Variants in P2RY10 observed in about 807,000 individuals in gnomAD.
P2RY10 encodes the protein P2Y receptor family member 10, also known as putative P2Y purinoceptor 10.
In P2RY10, 4 loss-of-function variants were observed where a neutral mutation model predicts 12.1. The observed-to-expected ratio is 0.33, with a 90% confidence interval of 0.16 to 0.76. The LOEUF (loss-of-function observed/expected upper bound fraction) is 0.76, where lower values mean the gene tolerates loss of function less well. P2RY10 is among the 30% of genes least tolerant of loss of function. P2RY10 has a pLI of 0.61. For synonymous variants in P2RY10, 112 were observed against 94.1 expected (o/e 1.19, Z -1.10); for missense variants, 233 against 264.6 (o/e 0.88, Z 0.83).
intron 2 of P2RY10, among the ~76,000 whole-genome samples, chrX:78,950,425 C>G (rs1922054706): frequency 9.0e-6 from 1 of 111,087 alleles, no homozygotes. Flanking sequence ...TATAAAATTA[C>G]TGAAATCCAA....
rs776349442 is a variant in P2RY10, at chrX:78,961,472, C to T, written c.952C>T (p.Arg318Cys). 8 of 1,208,571 alleles carry T rather than the reference C, an allele frequency of 6.6e-6. No individual in the cohort carries two copies. Among genetic ancestry groups the T allele is most frequent in the Non-Finnish European group, 8.9e-6 (8 of 894,405 alleles). The change falls in exon 4 of 4, where the codon CGC becomes TGC. Residue 318 changes from arginine (R) to cysteine (C), a missense_variant. Physicochemically the swap from Arg to Cys is radical, Grantham distance 180 (BLOSUM62 -3). Transcript: ENST00000171757. ...MASEFRDQLS[R>C]HGSSVTRSRL... ...TTCAGAGTTTCGTGACCAACTATCC[C>T]GCCATGGCAGTTCTGTGACCCGCTC...
intron 2 of P2RY10, among the ~76,000 whole-genome samples, chrX:78,948,305 T>A (rs996004881): frequency 8.9e-5 from 10 of 111,990 alleles, no homozygotes; most frequent in Non-Finnish European, 1.9e-4. Context: ...ACAACTACAC[T>A]TCTTAGGGGA....
chrX:78,947,827 T>A lies in P2RY10; in HGVS notation c.-193T>A, dbSNP rs1480132593. 10 of 709,904 alleles carry A rather than the reference T, an allele frequency of 1.4e-5. No individual in the cohort carries two copies. Among genetic ancestry groups the A allele is most frequent in the Non-Finnish European group, 1.7e-5 (10 of 598,578 alleles). 58.5% of individuals were successfully genotyped at this position (709,904 alleles called of 1,213,427 possible). ...ATATTTCTTTCAGGTAATGTTATCA[T>A]GACAGCTTCAACTTTTAGACCACAG... On this transcript the variant is annotated 5_prime_UTR_variant, in exon 2 of 4. An upstream start codon of the reference 5' UTR is lost. Transcript: ENST00000171757.
intron 3 of P2RY10, among the ~76,000 whole-genome samples, chrX:78,954,160 A>C (rs1922231978): frequency 8.9e-6 from 1 of 111,925 alleles, no homozygotes; most frequent in Admixed American, 9.4e-5. Flanking sequence ...GGTGTGAGCC[A>C]CCACACCTGG....
intron 2 of P2RY10, among the ~76,000 whole-genome samples, chrX:78,949,248 A>G (rs184103975): frequency 9.0e-6 from 1 of 110,962 alleles, no homozygotes; most frequent in East Asian, 2.8e-4. Flanking sequence ...TTCTCTTTCT[A>G]TTGCTGACTT....
intron 2 of P2RY10, among the ~76,000 whole-genome samples, chrX:78,949,791 T>A (rs988431059): frequency 9.8e-5 from 11 of 111,887 alleles, no homozygotes; most frequent in Non-Finnish European, 1.3e-4. Context: ...TTATTTGGAG[T>A]TGATGTAGAT....
At position 78,959,847 on chromosome X, in the gene P2RY10, T is replaced by A. The variant is rs1480007753; in HGVS notation, c.-13-661T>A. Among the ~76,000 whole-genome samples, 6 of 112,071 alleles carry A rather than the reference T, an allele frequency of 5.4e-5. No individual in the cohort carries two copies. The East Asian group carries it at 1.7e-3, about 31-fold the overall frequency. On this transcript the variant is annotated intron_variant, in intron 3 of 3. Coordinates refer to ENST00000171757, the MANE Select transcript of P2RY10 (RefSeq NM_014499.4). Reference sequence around the variant, plus strand: ...TATTTTAGCTTCTAAATTCATGTATTATTAAAGCTTTTTATGTAAATTTGG... The same window carrying A: ...TATTTTAGCTTCTAAATTCATGTATAATTAAAGCTTTTTATGTAAATTTGG...
chrX:78,959,385 G>A (rs752851947), intron 3 of P2RY10, among the ~76,000 whole-genome samples: 1 of 111,140 alleles, frequency 9.0e-6, no homozygotes, highest in Non-Finnish European at 1.9e-5. Context: ...AATTCTACAA[G>A]ATAGTTAAAG....
chrX:78,946,140 C>T (rs976430184), intron 1 of P2RY10, among the ~76,000 whole-genome samples: 6 of 111,293 alleles, frequency 5.4e-5, no homozygotes, highest in Admixed American at 9.5e-5. Flanking sequence ...CTCATGTTTG[C>T]CTTTTCCTAC....
chrX:78,962,020 T>C lies in P2RY10; in HGVS notation c.*480T>C, dbSNP rs1922651680. On this transcript the variant is annotated 3_prime_UTR_variant, in exon 4 of 4. Coordinates refer to ENST00000171757, the MANE Select transcript of P2RY10 (RefSeq NM_014499.4). ...GACAGTGTGAAGAATTGAAGCAATATGTGCATAAATTTCAGGACCACAAGC... is the reference window on the plus strand; with the variant it reads ...GACAGTGTGAAGAATTGAAGCAATACGTGCATAAATTTCAGGACCACAAGC... 1 of 118,492 alleles carries C rather than the reference T, an allele frequency of 8.4e-6. No individual in the cohort carries two copies. Among genetic ancestry groups the C allele is most frequent in the African/African-American group, 3.2e-5 (1 of 30,876 alleles). 9.8% of individuals were successfully genotyped at this position (118,492 alleles called of 1,213,427 possible).
chrX:78,951,116 C>A (rs1047709742), intron 2 of P2RY10, among the ~76,000 whole-genome samples: 6 of 111,576 alleles, frequency 5.4e-5, no homozygotes, highest in Non-Finnish European at 1.1e-4. Context: ...TTGGGAAGAG[C>A]AGCTGCTTTT....
chrX:78,959,108 GT>G (rs748079174), intron 3 of P2RY10, among the ~76,000 whole-genome samples: 176 of 110,870 alleles, frequency 1.6e-3, no homozygotes, highest in African/African-American at 5.4e-3. Context: ...TCAGTACATT[GT>G]TTTTTTTCCA....
In P2RY10 at chrX:78,960,835, T is replaced by C. The variant is rs766700433; in HGVS notation, c.315T>C (p.Leu105=). The part of the protein sequence containing the change: ...ISHHWPFQRA[L]CLLCFYLKYL... ...ACCACTGGCCTTTCCAGAGAGCCCT[T>C]TGCCTGCTCTGCTTCTACCTGAAGT... Residue 105 remains leucine, a synonymous_variant, in exon 4 of 4, where the codon CTT becomes CTC. Coordinates refer to ENST00000171757, the MANE Select transcript of P2RY10 (RefSeq NM_014499.4). The C allele has an allele frequency of 2.7e-5, 33 of 1,208,984 alleles. No homozygotes were observed. The Middle Eastern group carries it at 6.9e-4, about 25-fold the overall frequency.
In P2RY10 at chrX:78,961,186, T is replaced by G. The variant is rs778866522; in HGVS notation, c.666T>G (p.Thr222=). 4 of 1,210,631 alleles carry G rather than the reference T, an allele frequency of 3.3e-6. No homozygotes were observed. Among genetic ancestry groups the G allele is most frequent in the Non-Finnish European group, 4.5e-6 (4 of 894,364 alleles). Residue 222 remains threonine, a synonymous_variant, in exon 4 of 4, where the codon ACT becomes ACG. Coordinates refer to ENST00000171757, the MANE Select transcript of P2RY10 (RefSeq NM_014499.4). The part of the protein sequence containing the change: ...IIIAWCTWKT[T]ISLRQPPMAF... ...TCGCATGGTGTACCTGGAAAACTACTATATCCTTGAGACAGCCACCAATGG... is the reference window on the plus strand; with the variant it reads ...TCGCATGGTGTACCTGGAAAACTACGATATCCTTGAGACAGCCACCAATGG...
intron 2 of P2RY10, among the ~76,000 whole-genome samples, chrX:78,950,962 C>T (rs961777973): frequency 2.7e-5 from 3 of 111,792 alleles, no homozygotes; most frequent in Admixed American, 9.5e-5. Flanking sequence ...TTAGAGGTAA[C>T]GTGAATAGCA....
intron 3 of P2RY10, among the ~76,000 whole-genome samples, chrX:78,957,628 T>C (rs1270245182): frequency 9.0e-6 from 1 of 110,937 alleles, no homozygotes; most frequent in Non-Finnish European, 1.9e-5. Flanking sequence ...ATCACGGGGA[T>C]TTTACATCTA....
chrX:78,950,074 G>A (rs1224369617), intron 2 of P2RY10, among the ~76,000 whole-genome samples: 1 of 112,034 alleles, frequency 8.9e-6, no homozygotes, highest in African/African-American at 3.2e-5. Context: ...CTCCCAGGAT[G>A]ACAAGCCCAC....
intron 3 of P2RY10, among the ~76,000 whole-genome samples, chrX:78,958,201 A>G (rs1490445735): frequency 8.9e-6 from 1 of 112,674 alleles, no homozygotes; most frequent in Non-Finnish European, 1.9e-5. Flanking sequence ...CTACTATGGG[A>G]TTAGAATGGT....
chrX:78,956,837 A>G (rs1253330508), intron 3 of P2RY10, among the ~76,000 whole-genome samples: 2 of 111,787 alleles, frequency 1.8e-5, no homozygotes, highest in African/African-American at 6.5e-5. Context: ...GATGGATGAC[A>G]TAATGAATAA....
Sources: gnomAD v4.1 joint callset for allele counts (sites outside exome capture counted in the v4.1 genomes callset) on GRCh38, gnomAD v4.1.1 for gene constraint, MANE v1.5 for transcripts, NCBI Gene and HGNC (gene_info 2026-07-23, HGNC 2026-07-21) for gene names.